ABTB2: variants seen among roughly 807,000 people sequenced by gnomAD.
The protein encoded by ABTB2 is ankyrin repeat and BTB/POZ domain-containing protein 2.
A neutral mutation model predicts 104.1 loss-of-function variants in ABTB2; 56 were observed. That is an observed-to-expected ratio of 0.54 (90% CI 0.43 to 0.67). The LOEUF is 0.67. Among genes scored for constraint, ABTB2 ranks in the 30% least tolerant of loss-of-function variants. ABTB2 has a pLI of 0.00. For missense variants in ABTB2, 1,279 were observed against 1,407.7 expected (o/e 0.91, Z 1.46); for synonymous variants, 606 against 608.2 (o/e 1.00, Z 0.05).
chr11:34,201,974 C>G (rs1366222847), intron 2 of ABTB2, among the ~76,000 whole-genome samples: 1 of 152,202 alleles, frequency 6.6e-6, no homozygotes, highest in Non-Finnish European at 1.5e-5. Context: ...CAGACACACA[C>G]ACACACGTGT....
chr11:34,174,472 G>A (rs559581042), intron 3 of ABTB2, among the ~76,000 whole-genome samples: 3 of 152,334 alleles, frequency 2.0e-5, no homozygotes, highest in South Asian at 4.1e-4. Flanking sequence ...GCAAACTCCC[G>A]GGGCGCCGCT....
chr11:34,309,788 A>T (rs1336875178), intron 1 of ABTB2, among the ~76,000 whole-genome samples: 2 of 151,794 alleles, frequency 1.3e-5, no homozygotes, highest in African/African-American at 2.4e-5. Context: ...AGGTGATCAG[A>T]GTCAAAAAAA....
chr11:34,310,318 G>A (rs1854834989), intron 1 of ABTB2, among the ~76,000 whole-genome samples: 1 of 152,044 alleles, frequency 6.6e-6, no homozygotes, highest in African/African-American at 2.4e-5. Flanking sequence ...CTCAATTAAA[G>A]CTCCAGCATC....
intron 4 of ABTB2, among the ~76,000 whole-genome samples, chr11:34,172,355 G>C (rs1409916305): frequency 2.5e-5 from 3 of 120,740 alleles, no homozygotes; most frequent in Non-Finnish European, 3.2e-5. Flanking sequence ...CTGGGCAACA[G>C]AGTGAAACTC....
chr11:34,258,672 G>A (rs1350987663), intron 1 of ABTB2, among the ~76,000 whole-genome samples: 1 of 148,546 alleles, frequency 6.7e-6, no homozygotes, highest in Non-Finnish European at 1.5e-5. Flanking sequence ...AGTGCAGCAG[G>A]GCGATCTCAG....
chr11:34,194,319 A>G (rs1397344855), intron 3 of ABTB2, among the ~76,000 whole-genome samples: 1 of 152,196 alleles, frequency 6.6e-6, no homozygotes, highest in Non-Finnish European at 1.5e-5. Flanking sequence ...CCACGGTCAC[A>G]TTGAAATCAG....
In ABTB2 at chr11:34,152,416, G is replaced by A; in HGVS notation, c.3049C>T (p.His1017Tyr). 6.3e-7 allele frequency: 1 copy of A among 1,582,618 alleles called. No homozygotes were observed. Among genetic ancestry groups the A allele is most frequent in the Non-Finnish European group, 8.6e-7 (1 of 1,165,560 alleles). Residue 1017 changes from histidine (H) to tyrosine (Y), a missense_variant, in exon 17 of 17, where the codon CAC (histidine) becomes TAC (tyrosine). Transcript: ENST00000435224. Reference protein sequence around the residue: ...DLQNTLAERVHSVYITSRV With the variant: ...DLQNTLAERVYSVYITSRV Reference sequence around the variant, plus strand: ...ACCCGGGAGGTGATGTAGACAGAGTGCACGCGCTCTGCCAGGGTGTTCTGC... The same window carrying A: ...ACCCGGGAGGTGATGTAGACAGAGTACACGCGCTCTGCCAGGGTGTTCTGC...
chr11:34,187,688 C>T (rs1853119856), intron 3 of ABTB2, among the ~76,000 whole-genome samples: 1 of 151,978 alleles, frequency 6.6e-6, no homozygotes. Flanking sequence ...GAGATGGGGT[C>T]TCACTATTTT....
At chr11:34,316,567 C>T (rs547948489) in intron 1 of ABTB2, among the ~76,000 whole-genome samples, 68 of 152,242 alleles carry the variant, frequency 4.5e-4, no homozygotes, top group African/African-American at 1.2e-3. Flanking sequence ...ACGTGTTTGT[C>T]GCAAATATTT....
At chr11:34,284,633 G>A (rs574537787) in intron 1 of ABTB2, among the ~76,000 whole-genome samples, 1 of 152,362 alleles carries the variant, frequency 6.6e-6, no homozygotes, top group South Asian at 2.1e-4. Flanking sequence ...AGTTGTTGAC[G>A]GATGAACAAG....
chr11:34,338,716 A>G (rs1457000670), intron 1 of ABTB2, among the ~76,000 whole-genome samples: 3 of 152,158 alleles, frequency 2.0e-5, no homozygotes, highest in African/African-American at 7.2e-5. Context: ...ACAAAACAAA[A>G]AAACAGATGT....
chr11:34,335,788 T>G (rs1219751603), intron 1 of ABTB2: 24 of 1,370,762 alleles, frequency 1.8e-5, no homozygotes, highest in Non-Finnish European at 6.2e-6. Flanking sequence ...CCCAGGAAGC[T>G]TGAACCTCTG....
At chr11:34,166,825 T>A (rs1012931493) in intron 7 of ABTB2, among the ~76,000 whole-genome samples, 2 of 152,114 alleles carry the variant, frequency 1.3e-5, no homozygotes, top group Non-Finnish European at 2.9e-5. Context: ...GAAACCTCTC[T>A]CAGGAACTAA....
At position 34,317,440 on chromosome 11, in the gene ABTB2, T is replaced by A. The variant is rs537907930; in HGVS notation, c.883+39261A>T. 6.6e-5 allele frequency among the ~76,000 whole-genome samples: 10 copies of A among 152,252 alleles called. No homozygotes were observed. In the East Asian group the frequency reaches 1.9e-3, roughly 29 times the overall value. On this transcript the variant is annotated intron_variant, in intron 1 of 16. Transcript: ENST00000435224. ...CTGCTCAATAAGGGGGCACTGGCAA[T>A]GAGAGTGCGAAAACAGTAAGAGAAA...
At chr11:34,213,990 G>C (rs1853517654) in intron 1 of ABTB2, among the ~76,000 whole-genome samples, 1 of 152,100 alleles carries the variant, frequency 6.6e-6, no homozygotes, top group South Asian at 2.1e-4. Flanking sequence ...CATGAGTCTT[G>C]GAACTACTGC....
At chr11:34,230,038 G>C (rs1041307245) in intron 1 of ABTB2, among the ~76,000 whole-genome samples, 1 of 152,156 alleles carries the variant, frequency 6.6e-6, no homozygotes, top group South Asian at 2.1e-4. Flanking sequence ...AGGGCCCCTA[G>C]TCGGATACAG....
rs2467373 is a variant in ABTB2 at position 34,197,550 on chromosome 11, C to T, written c.1031-12G>A. On this transcript the variant is annotated splice_polypyrimidine_tract_variant and intron_variant, in intron 2 of 16. Coordinates refer to ENST00000435224, the MANE Select transcript of ABTB2 (RefSeq NM_145804.3). Reference sequence around the variant, plus strand: ...GGAGACCAAGTCACCTGGTGGGGGGCGGGGAGGGCAGAGGGGAGGAAGAGA... The same window carrying T: ...GGAGACCAAGTCACCTGGTGGGGGGTGGGGAGGGCAGAGGGGAGGAAGAGA... 202 of 1,450,762 alleles carry T rather than the reference C, an allele frequency of 1.4e-4. 1 individual carries two copies. Among genetic ancestry groups the T allele is most frequent in the African/African-American group, 1.1e-3 (76 of 70,420 alleles). The allele number at this position is 1,450,762 out of a possible 1,614,324, so 89.9% of individuals were successfully genotyped here.
chr11:34,168,712 T>C (rs116233713), intron 5 of ABTB2, among the ~76,000 whole-genome samples: 10 of 152,240 alleles, frequency 6.6e-5, no homozygotes, highest in African/African-American at 2.2e-4. Context: ...CACGAGACGG[T>C]AGAGGAGGCA....
At chr11:34,300,011 A>G (rs1340199734) in intron 1 of ABTB2, among the ~76,000 whole-genome samples, 2 of 152,226 alleles carry the variant, frequency 1.3e-5, no homozygotes, top group Non-Finnish European at 2.9e-5. Flanking sequence ...TGCCTGGCAC[A>G]GAGTCAGAGC....
Sources: allele counts gnomAD v4.1 joint callset (sites outside exome capture counted in the v4.1 genomes callset), GRCh38; gene constraint gnomAD v4.1.1; transcripts MANE v1.5; gene names NCBI Gene and HGNC (gene_info 2026-07-23, HGNC 2026-07-21).